The following VWDE variants were observed in gnomAD, a reference collection of about 807,000 sequenced individuals.
VWDE encodes the protein von Willebrand factor D and EGF domains, also known as von Willebrand factor D and EGF domain-containing protein.
Under a neutral mutation model 178.4 loss-of-function variants are expected in VWDE, and 207 were observed. The observed-to-expected ratio is 1.16, with a 90% confidence interval of 1.04 to 1.30. The LOEUF is 1.30. VWDE is among the 50% of genes most tolerant of loss of function. The pLI is 0.00. For synonymous variants in VWDE, 738 were observed against 651.4 expected (o/e 1.13, Z -2.02); for missense variants, 2,287 against 1,901.3 (o/e 1.20, Z -3.77).
intron 1 of VWDE, among the ~76,000 whole-genome samples, chr7:12,396,877 G>A (rs1042769164): frequency 2.0e-5 from 3 of 152,168 alleles, no homozygotes; most frequent in African/African-American, 4.8e-5. Context: ...GGAAGTTGCA[G>A]TTGGCCAAGG....
At chr7:12,388,204 A>C (rs1212180032) in intron 3 of VWDE, among the ~76,000 whole-genome samples, 1 of 152,170 alleles carries the variant, frequency 6.6e-6, no homozygotes, top group East Asian at 1.9e-4. Flanking sequence ...GAGTTTATAT[A>C]AACTTTCTCA....
intron 13 of VWDE, among the ~76,000 whole-genome samples, chr7:12,366,406 A>G (rs1782862701): frequency 6.6e-6 from 1 of 152,154 alleles, no homozygotes; most frequent in African/African-American, 2.4e-5. Flanking sequence ...CTCCTGGCAC[A>G]TCACTTAGTT....
intron 18 of VWDE, among the ~76,000 whole-genome samples, chr7:12,352,564 G>C (rs145661975): frequency 6.6e-6 from 1 of 152,142 alleles, no homozygotes; most frequent in Admixed American, 6.5e-5. Flanking sequence ...TGAAGAAATG[G>C]GTCTGTTTGG....
chr7:12,349,620 A>ACCTAT (rs1781821624), intron 19 of VWDE, among the ~76,000 whole-genome samples: 2 of 151,888 alleles, frequency 1.3e-5, no homozygotes, highest in African/African-American at 4.8e-5. Context: ...ATAGGATCAG[A>ACCTAT]ATATATGAAG....
chr7:12,356,837 A>G (rs1462722868), intron 17 of VWDE, among the ~76,000 whole-genome samples: 1 of 152,242 alleles, frequency 6.6e-6, no homozygotes, highest in Non-Finnish European at 1.5e-5. Context: ...TCAAAAGAAA[A>G]GTCAATAAAG....
chr7:12,354,138 T>C (rs1782094427), intron 18 of VWDE: 1 of 228,108 alleles, frequency 4.4e-6, no homozygotes, highest in African/African-American at 2.4e-5. Flanking sequence ...TTATACTCTG[T>C]AATTACTAGT....
intron 4 of VWDE, among the ~76,000 whole-genome samples, chr7:12,383,218 C>A (rs553103211): frequency 6.6e-6 from 1 of 152,132 alleles, no homozygotes; most frequent in African/African-American, 2.4e-5. Flanking sequence ...CTAAATAGTT[C>A]TCTAAGACAT....
chr7:12,355,117 A>G (rs377441200), intron 18 of VWDE, among the ~76,000 whole-genome samples: 1 of 152,152 alleles, frequency 6.6e-6, no homozygotes, highest in Middle Eastern at 3.2e-3. Context: ...ATAGTTCCCA[A>G]TGATAAAATT....
At position 12,358,315 on chromosome 7, in the gene VWDE, A is replaced by G. The variant is rs555991428; in HGVS notation, c.3275-800T>C. Among the ~76,000 whole-genome samples, 7 of 150,862 alleles carry G rather than the reference A, an allele frequency of 4.6e-5. No homozygotes were observed. The East Asian group carries it at 1.4e-3, about 30-fold the overall frequency. ...CTTGAACCCGGGAGGTGGAGCTTGC[A>G]GTGAGCTGAGATCGTGCCACTGCGC... On this transcript the variant is annotated intron_variant, in intron 16 of 28. Coordinates refer to ENST00000275358, the MANE Select transcript of VWDE (RefSeq NM_001135924.3).
intron 4 of VWDE, among the ~76,000 whole-genome samples, chr7:12,383,325 C>A (rs1783945101): frequency 6.6e-6 from 1 of 152,076 alleles, no homozygotes; most frequent in Non-Finnish European, 1.5e-5. Context: ...TCTACTAATA[C>A]ACACACGTTT....
In VWDE at chr7:12,341,563, C is replaced by T. The variant is rs183727647; in HGVS notation, c.4270+496G>A. 6.9e-4 allele frequency among the ~76,000 whole-genome samples: 105 copies of T among 151,334 alleles called. 2 individuals carry two copies. Among genetic ancestry groups the T allele is most frequent in the African/African-American group, 2.5e-3 (101 of 41,156 alleles). ...AGGAGAATCACTTGAACCTGGGAGG[C>T]AGAAGTTACAGTGAGCCAAGATCGC... On this transcript the variant is annotated intron_variant, in intron 23 of 28. Coordinates refer to ENST00000275358, the MANE Select transcript of VWDE (RefSeq NM_001135924.3).
At chr7:12,399,500 C>G (rs1027971692) in intron 1 of VWDE, among the ~76,000 whole-genome samples, 1 of 152,100 alleles carries the variant, frequency 6.6e-6, no homozygotes, top group African/African-American at 2.4e-5. Flanking sequence ...TTTAATATCC[C>G]ACTTTCAATA....
chr7:12,389,213 TGAAA>T lies in VWDE; in HGVS notation c.385_388del (p.Phe129LysfsTer6). On this transcript the variant is annotated frameshift_variant, in exon 3 of 29. Transcript: ENST00000275358. LOFTEE classifies it high-confidence loss of function. ...ACAGTTTCTTACAGACACTGGGATTTGAAAGAGACAGCAGTCTTTTGTAGTGCTG... is the reference window on the plus strand; with the variant it reads ...ACAGTTTCTTACAGACACTGGGATTTGAGACAGCAGTCTTTTGTAGTGCTG... 1 of 1,551,822 alleles carries T rather than the reference TGAAA, an allele frequency of 6.4e-7. No homozygotes were observed. The highest frequency in any genetic ancestry group is 8.7e-7 in the Non-Finnish European group (1 of 1,147,022).
At chr7:12,349,660 A>C (rs930353525) in intron 19 of VWDE, among the ~76,000 whole-genome samples, 4 of 151,956 alleles carry the variant, frequency 2.6e-5, no homozygotes, top group African/African-American at 7.2e-5. Context: ...ACTCCTACAA[A>C]TCAATAAAAA....
rs527872958 is a variant in VWDE at position 12,342,384 on chromosome 7, C to G, written c.4175-230G>C. On this transcript the variant is annotated intron_variant, in intron 22 of 28. Coordinates refer to ENST00000275358, the MANE Select transcript of VWDE (RefSeq NM_001135924.3). ...GGGAAAAAATAGAAAACCATTGAGC[C>G]AAGTGATAAACAAGACTTGGCTATT... Among the ~76,000 whole-genome samples the G allele has an allele frequency of 1.6e-3, 237 of 151,982 alleles. 1 individual carries two copies. The highest frequency in any genetic ancestry group is 5.4e-3 in the African/African-American group (223 of 41,456).
chr7:12,362,588 G>T (rs1168518788), intron 13 of VWDE, among the ~76,000 whole-genome samples: 1 of 152,030 alleles, frequency 6.6e-6, no homozygotes, highest in Non-Finnish European at 1.5e-5. Context: ...TCAAAATTTA[G>T]ATTTAGATTT....
chr7:12,349,045 G>A (rs942083401), intron 19 of VWDE, among the ~76,000 whole-genome samples: 3 of 152,092 alleles, frequency 2.0e-5, no homozygotes, highest in African/African-American at 7.2e-5. Context: ...ATGGACACAA[G>A]AAGGGGAACA....
chr7:12,359,523 C>T, intron 16 of VWDE, 55 bp downstream of exon 16: 1 of 1,266,142 alleles, frequency 7.9e-7, no homozygotes, highest in Non-Finnish European at 1.1e-6. Flanking sequence ...TGGCTGAAAA[C>T]CACTTTTAAA....
chr7:12,371,429 C>A (rs1179945520), intron 10 of VWDE, among the ~76,000 whole-genome samples: 1 of 152,000 alleles, frequency 6.6e-6, no homozygotes, highest in African/African-American at 2.4e-5. Context: ...TAACTGTGAA[C>A]CATCTCTCCC....
Sources: gnomAD v4.1 joint callset for allele counts (sites outside exome capture counted in the v4.1 genomes callset) on GRCh38, gnomAD v4.1.1 for gene constraint, MANE v1.5 for transcripts, NCBI Gene and HGNC (gene_info 2026-07-23, HGNC 2026-07-21) for gene names.